Variants in ENOX1 observed in about 807,000 individuals in gnomAD.
The protein encoded by ENOX1 is ecto-NOX disulfide-thiol exchanger 1.
ENOX1 carries 42 observed loss-of-function variants against 82.5 expected under a neutral mutation model. That is an observed-to-expected ratio of 0.51 (90% confidence interval 0.40 to 0.66). ENOX1 has a LOEUF of 0.66. Ranked by LOEUF, ENOX1 falls within the 30% of genes least tolerant of loss-of-function variation. The pLI is 0.00. For synonymous variants in ENOX1, 271 were observed against 282.2 expected (o/e 0.96, Z 0.40); for missense variants, 608 against 811.6 (o/e 0.75, Z 3.05).
Position 43,322,465 on chromosome 13 carries a change from T to C in ENOX1, c.1180A>G (p.Ile394Val), listed in dbSNP as rs1248491068. The change falls in exon 11 of 17, where the codon ATC becomes GTC. Residue 394 changes from isoleucine (I) to valine (V), a missense_variant. Coordinates refer to ENST00000690772, the MANE Select transcript of ENOX1 (RefSeq NM_001347969.2). Reference sequence around the variant, plus strand: ...ATTTCCATTTCTTCTTCGCGGCGGATGCCCATGAGCTGCTCACTTTGAGCA... The same window carrying C: ...ATTTCCATTTCTTCTTCGCGGCGGACGCCCATGAGCTGCTCACTTTGAGCA... ...RNAQSEQLMG[I>V]RREEEMEMSD... 1.2e-6 allele frequency: 2 copies of C among 1,614,136 alleles called. No individual in the cohort carries two copies. The highest frequency in any genetic ancestry group is 2.2e-5 in the East Asian group (1 of 44,888).
At chr13:43,372,973 C>T (rs2051342213) in intron 5 of ENOX1, among the ~76,000 whole-genome samples, 1 of 152,030 alleles carries the variant, frequency 6.6e-6, no homozygotes, top group South Asian at 2.1e-4. Flanking sequence ...GAGTATTTAC[C>T]CTGACAGCAT....
chr13:43,543,183 T>C (rs1327312711), intron 2 of ENOX1, among the ~76,000 whole-genome samples: 1 of 152,112 alleles, frequency 6.6e-6, no homozygotes. Flanking sequence ...TTCTTTCTTC[T>C]ACTGTTTGTT....
intron 1 of ENOX1, among the ~76,000 whole-genome samples, chr13:43,742,776 T>C (rs531731522): frequency 6.2e-4 from 95 of 152,268 alleles, no homozygotes; most frequent in African/African-American, 2.2e-3. Context: ...GTTGAGCTGA[T>C]AGGATCTGCT....
chr13:43,755,137 A>C (rs1288673241), intron 1 of ENOX1, among the ~76,000 whole-genome samples: 1 of 151,958 alleles, frequency 6.6e-6, no homozygotes, highest in African/African-American at 2.4e-5. Context: ...ACACTTCTCC[A>C]TTCCACACAG....
intron 1 of ENOX1, among the ~76,000 whole-genome samples, chr13:43,773,248 G>C (rs746388641): frequency 5.3e-5 from 8 of 152,156 alleles, no homozygotes; most frequent in Admixed American, 3.3e-4. Flanking sequence ...AAGGAGTATA[G>C]GATTTCCTTT....
At chr13:43,439,651 T>C (rs1484022631) in intron 3 of ENOX1, among the ~76,000 whole-genome samples, 1 of 127,916 alleles carries the variant, frequency 7.8e-6, no homozygotes, top group Non-Finnish European at 1.8e-5. Context: ...ACATCCCTTC[T>C]TATAGCAACT....
chr13:43,715,569 C>T lies in ENOX1; in HGVS notation c.-284-48025G>A, dbSNP rs528842027. 9.0e-3 allele frequency among the ~76,000 whole-genome samples: 1,363 copies of T among 152,250 alleles called. 21 individuals are homozygous for T. Among genetic ancestry groups the T allele is most frequent in the African/African-American group, 0.031 (1,291 of 41,536 alleles). Reference sequence around the variant, plus strand: ...TAATATCCTGCAGAGTGTTTTCCAACTTGGTTCCATTCTCCCCGTCACTTT... The same window carrying T: ...TAATATCCTGCAGAGTGTTTTCCAATTTGGTTCCATTCTCCCCGTCACTTT... On this transcript the variant is annotated intron_variant, in intron 1 of 16. Transcript: ENST00000690772.
At chr13:43,744,961 T>A (rs1044199825) in intron 1 of ENOX1, among the ~76,000 whole-genome samples, 6 of 152,212 alleles carry the variant, frequency 3.9e-5, no homozygotes, top group African/African-American at 1.4e-4. Context: ...TGTAGAGGCA[T>A]TGCAATGTGA....
At chr13:43,311,885 A>C (rs1439306660) in intron 11 of ENOX1, among the ~76,000 whole-genome samples, 1 of 152,252 alleles carries the variant, frequency 6.6e-6, no homozygotes, top group African/African-American at 2.4e-5. Flanking sequence ...AGGGTAGAGA[A>C]ATGGATGGCT....
At chr13:43,410,625 T>TAC (rs60371956) in intron 5 of ENOX1, among the ~76,000 whole-genome samples, 85,124 of 146,784 alleles carry the variant, frequency 0.58, 25,485 homozygotes, top group Non-Finnish European at 0.69. Context: ...TACACACATG[T>TAC]ACACACACAC....
At chr13:43,633,909 T>C (rs1298076742) in intron 2 of ENOX1, among the ~76,000 whole-genome samples, 1 of 152,014 alleles carries the variant, frequency 6.6e-6, no homozygotes, top group African/African-American at 2.4e-5. Context: ...AATATACAAA[T>C]TGCACATAAA....
At chr13:43,427,448 C>A (rs1183950407) in intron 3 of ENOX1, among the ~76,000 whole-genome samples, 4 of 152,214 alleles carry the variant, frequency 2.6e-5, no homozygotes, top group Non-Finnish European at 5.9e-5. Flanking sequence ...ACTCAATGTA[C>A]CCTAGCCTGG....
At chr13:43,432,106 G>A (rs980226768) in intron 3 of ENOX1, among the ~76,000 whole-genome samples, 13 of 152,066 alleles carry the variant, frequency 8.5e-5, no homozygotes, top group African/African-American at 9.7e-5. Flanking sequence ...TGACCCTGGC[G>A]CCTCCCTGTG....
At chr13:43,379,226 A>T (rs1309000060) in intron 5 of ENOX1, among the ~76,000 whole-genome samples, 1 of 152,190 alleles carries the variant, frequency 6.6e-6, no homozygotes, top group Non-Finnish European at 1.5e-5. Flanking sequence ...TTTTTAAGCC[A>T]CTAAGTTTGT....
chr13:43,651,695 T>TAAAAA lies in ENOX1; in HGVS notation c.-219+15779_-219+15783dup, dbSNP rs57810969. Among the ~76,000 whole-genome samples the TAAAAA allele has an allele frequency of 6.2e-5, 6 of 96,936 alleles. 1 individual carries two copies. The highest frequency in any genetic ancestry group is 2.3e-5 in the Non-Finnish European group (1 of 44,432). 63.6% of individuals were successfully genotyped at this position (96,936 alleles called of 152,430 possible). On this transcript the variant is annotated intron_variant, in intron 2 of 16. Transcript: ENST00000690772. ...CTGGGCGACATAGCGAGACTCTGTCTAAAAAAAAAAATCACACCTATAATC... is the reference window on the plus strand; with the variant it reads ...CTGGGCGACATAGCGAGACTCTGTCTAAAAAAAAAAAAAAAATCACACCTATAATC...
intron 2 of ENOX1, among the ~76,000 whole-genome samples, chr13:43,503,424 G>T (rs76835680): frequency 6.6e-6 from 1 of 151,380 alleles, no homozygotes; most frequent in African/African-American, 2.4e-5. Context: ...ACCCTGAATA[G>T]CCAAAGCAAT....
chr13:43,288,980 G>C (rs2045856457), intron 12 of ENOX1, among the ~76,000 whole-genome samples: 2 of 152,046 alleles, frequency 1.3e-5, no homozygotes, highest in Non-Finnish European at 2.9e-5. Context: ...TAGCCACGAA[G>C]AAGATAAAAT....
In ENOX1 at chr13:43,470,396, A is replaced by G. The variant is rs867505379; in HGVS notation, c.-75+13613T>C. On this transcript the variant is annotated intron_variant, in intron 3 of 16. Transcript: ENST00000690772. ...TATATACATATATATACGTATATAT[A>G]TGTGTATATATATATATATATAACA... is the stretch of plus-strand genomic sequence containing the variant. Among the ~76,000 whole-genome samples, 6 of 99,964 alleles carry G rather than the reference A, an allele frequency of 6.0e-5. 1 individual carries two copies. Among genetic ancestry groups the G allele is most frequent in the African/African-American group, 1.7e-4 (5 of 29,684 alleles). 65.6% of individuals were successfully genotyped at this position (99,964 alleles called of 152,430 possible).
intron 3 of ENOX1, among the ~76,000 whole-genome samples, chr13:43,435,762 C>A (rs1194846693): frequency 6.6e-6 from 1 of 152,028 alleles, no homozygotes; most frequent in Non-Finnish European, 1.5e-5. Context: ...AAAATTATGT[C>A]TCCATAATAC....
Sources: gnomAD v4.1 joint callset for allele counts (sites outside exome capture counted in the v4.1 genomes callset) on GRCh38, gnomAD v4.1.1 for gene constraint, MANE v1.5 for transcripts, NCBI Gene and HGNC (gene_info 2026-07-23, HGNC 2026-07-21) for gene names.